The following RIT2 variants were observed in gnomAD, a reference collection of about 807,000 sequenced individuals.
RIT2 encodes the protein GTP-binding protein Rit2.
In RIT2, 24 loss-of-function variants were observed where a neutral mutation model predicts 23.7. The observed-to-expected ratio is 1.01, with a 90% CI of 0.73 to 1.43. The LOEUF (loss-of-function observed/expected upper bound fraction) is 1.43, where lower values mean the gene tolerates loss of function less well. RIT2 is among the 40% of genes most tolerant of loss of function. The probability of loss-of-function intolerance (pLI) is 0.00; values close to 1 mark genes in which losing one functional copy is unlikely to be tolerated. For missense variants in RIT2, 236 were observed against 266.9 expected, an observed-to-expected ratio of 0.88 and a Z score of 0.81; for synonymous variants, 107 against 91.1, an observed-to-expected ratio of 1.17 and a Z score of -0.99.
chr18:42,923,727 C>T lies in RIT2; in HGVS notation c.271G>A (p.Gly91Ser). The T allele has an allele frequency of 1.2e-6, 2 of 1,612,574 alleles. No homozygotes were observed. Among genetic ancestry groups the T allele is most frequent in the Non-Finnish European group, 1.7e-6 (2 of 1,179,466 alleles). ...TAGCAGATGATGAAGCCTTCCCCAC[C>T]TCGCATGTACTGCTCCCGCATGGCT... ...FTAMREQYMRGGEGFIICYSV... is the reference protein window; with the variant it reads ...FTAMREQYMRSGEGFIICYSV... Residue 91 changes from glycine (G) to serine (S), a missense_variant, in exon 4 of 5, where the codon GGT becomes AGT. By Grantham distance (56) the Gly-to-Ser change is moderately conservative. Coordinates refer to ENST00000326695, the MANE Select transcript of RIT2 (RefSeq NM_002930.4).
chr18:42,779,009 A>G (rs1426049863), intron 4 of RIT2, among the ~76,000 whole-genome samples: 1 of 152,192 alleles, frequency 6.6e-6, no homozygotes, highest in African/African-American at 2.4e-5. Context: ...AAAAATGTTA[A>G]TTGAACCAGC....
chr18:42,929,061 A>ATATATATATATATATATATC (rs1568032670), intron 3 of RIT2, among the ~76,000 whole-genome samples: 15 of 146,620 alleles, frequency 1.0e-4, no homozygotes, highest in African/African-American at 3.5e-4. Flanking sequence ...ATATATATTT[A>ATATATATATATATATATATC]TATGAGACAA....
chr18:42,747,174 T>A (rs1183208186), intron 4 of RIT2, among the ~76,000 whole-genome samples: 1 of 151,946 alleles, frequency 6.6e-6, no homozygotes, highest in East Asian at 1.9e-4. Context: ...TCCAAAAAGC[T>A]CCTAGATAAA....
chr18:42,989,957 C>T (rs1910800915), intron 2 of RIT2, among the ~76,000 whole-genome samples: 1 of 151,814 alleles, frequency 6.6e-6, no homozygotes, highest in Admixed American at 6.6e-5. Flanking sequence ...TACACACACA[C>T]ATATATTATG....
At chr18:42,944,448 C>T (rs78809518) in intron 3 of RIT2, among the ~76,000 whole-genome samples, 7 of 152,176 alleles carry the variant, frequency 4.6e-5, no homozygotes, top group Non-Finnish European at 5.9e-5. Flanking sequence ...TAGCCTGAGG[C>T]ATGCCTGGCA....
chr18:43,064,399 C>T (rs1236050745), intron 1 of RIT2, among the ~76,000 whole-genome samples: 1 of 152,080 alleles, frequency 6.6e-6, no homozygotes, highest in Non-Finnish European at 1.5e-5. Flanking sequence ...TGCAGTAGCT[C>T]TAAGTAATGT....
At chr18:42,788,340 C>T (rs1913967717) in intron 4 of RIT2, among the ~76,000 whole-genome samples, 1 of 152,066 alleles carries the variant, frequency 6.6e-6, no homozygotes, top group Non-Finnish European at 1.5e-5. Context: ...TTTGGATATT[C>T]TCTTTTGATA....
chr18:42,892,738 T>C (rs955442665), intron 4 of RIT2, among the ~76,000 whole-genome samples: 3 of 152,152 alleles, frequency 2.0e-5, no homozygotes, highest in African/African-American at 2.4e-5. Context: ...GAGATAAAAA[T>C]GTGTAAATAG....
chr18:43,019,496 CA>C (rs199713071), intron 2 of RIT2, among the ~76,000 whole-genome samples: 20 of 149,516 alleles, frequency 1.3e-4, no homozygotes, highest in South Asian at 4.2e-4. Context: ...CCCTTCATGA[CA>C]AAAAAAAACC....
intron 1 of RIT2, among the ~76,000 whole-genome samples, chr18:43,097,451 T>A (rs539459931): frequency 6.6e-6 from 1 of 151,796 alleles, no homozygotes; most frequent in Non-Finnish European, 1.5e-5. Flanking sequence ...TAAATTACTG[T>A]GGGTTTGGAT....
At chr18:43,035,628 T>C (rs1337057680) in intron 1 of RIT2, among the ~76,000 whole-genome samples, 1 of 152,208 alleles carries the variant, frequency 6.6e-6, no homozygotes, top group Non-Finnish European at 1.5e-5. Context: ...CTGATCATTC[T>C]CAATACCTGA....
chr18:43,061,616 G>A (rs751120768), intron 1 of RIT2, among the ~76,000 whole-genome samples: 1 of 152,190 alleles, frequency 6.6e-6, no homozygotes, highest in South Asian at 2.1e-4. Context: ...TTCTCGATTA[G>A]TTCCTTCTGA....
chr18:42,857,771 A>G (rs185987893), intron 4 of RIT2, among the ~76,000 whole-genome samples: 303 of 152,324 alleles, frequency 2.0e-3, no homozygotes, highest in African/African-American at 6.7e-3. Context: ...TTGATTTGGG[A>G]CAGGTTGCAG....
At chr18:42,901,589 TATG>T (rs1359707226) in intron 4 of RIT2, among the ~76,000 whole-genome samples, 3 of 152,036 alleles carry the variant, frequency 2.0e-5, no homozygotes, top group Admixed American at 6.6e-5. Flanking sequence ...AATTAATGAA[TATG>T]ATATTTTGAT....
At chr18:42,756,672 T>G (rs1913170704) in intron 4 of RIT2, among the ~76,000 whole-genome samples, 1 of 152,142 alleles carries the variant, frequency 6.6e-6, no homozygotes, top group Non-Finnish European at 1.5e-5. Flanking sequence ...TATACATACA[T>G]GTATGTGCAT....
chr18:42,774,871 A>G (rs1381148725), intron 4 of RIT2, among the ~76,000 whole-genome samples: 1 of 152,096 alleles, frequency 6.6e-6, no homozygotes, highest in Non-Finnish European at 1.5e-5. Flanking sequence ...GACCATGACC[A>G]CATATATGTT....
chr18:42,951,166 C>A, intron 3 of RIT2, among the ~76,000 whole-genome samples: 1 of 152,008 alleles, frequency 6.6e-6, no homozygotes, highest in East Asian at 1.9e-4. Flanking sequence ...ATGGAATCAA[C>A]CTAGGTACCC....
chr18:42,749,306 T>C (rs183587893), intron 4 of RIT2, among the ~76,000 whole-genome samples: 312 of 152,018 alleles, frequency 2.1e-3, no homozygotes, highest in African/African-American at 6.7e-3. Flanking sequence ...TCAAAACTTA[T>C]AGGACTATCT....
chr18:42,743,584 G>A lies in RIT2; in HGVS notation c.563C>T (p.Pro188Leu). ...CTTCAGTTTCTTTTCCATCAAGGAT[G>A]GCATGGACTCCTTCTTGCGAATTTC... ...VREIRKKESM[P>L]SLMEKKLKRK... Residue 188 changes from proline to leucine, a missense_variant, in exon 5 of 5, where the codon CCA becomes CTA. Physicochemically the swap from Pro to Leu is moderately conservative, Grantham distance 98. Transcript: ENST00000326695. The A allele has an allele frequency of 1.2e-6, 2 of 1,613,952 alleles. No individual in the cohort carries two copies. The highest frequency in any genetic ancestry group is 1.1e-5 in the South Asian group (1 of 91,068).
Sources: allele counts gnomAD v4.1 joint callset (sites outside exome capture counted in the v4.1 genomes callset), GRCh38; gene constraint gnomAD v4.1.1; transcripts MANE v1.5; gene names NCBI Gene and HGNC (gene_info 2026-07-23, HGNC 2026-07-21).